PRKCE: variants seen among roughly 807,000 people sequenced by gnomAD.
PRKCE encodes protein kinase C epsilon type.
A neutral mutation model predicts 85.4 loss-of-function variants in PRKCE; 16 were observed. The observed-to-expected ratio is 0.19, with a 90% CI of 0.13 to 0.28. The LOEUF is 0.28. Ranked by LOEUF, PRKCE falls within the 10% of genes least tolerant of loss-of-function variation. The pLI is 1.00. For synonymous variants in PRKCE, 388 were observed against 371.5 expected (o/e 1.04, Z -0.51); for missense variants, 573 against 975.2 (o/e 0.59, Z 5.49).
chr2:45,779,527 C>T (rs898609960), intron 1 of PRKCE, among the ~76,000 whole-genome samples: 1 of 151,566 alleles, frequency 6.6e-6, no homozygotes, highest in Admixed American at 6.6e-5. Flanking sequence ...GCGACTACTT[C>T]CTTGCTCCAT....
rs937682084 is a variant in PRKCE, at chr2:46,105,926, A to G, written c.1592+19564A>G. Among the ~76,000 whole-genome samples the G allele has an allele frequency of 2.0e-5, 3 of 152,232 alleles. 1 individual carries two copies. Among genetic ancestry groups the G allele is most frequent in the Admixed American group, 2.0e-4 (3 of 15,274 alleles). On this transcript the variant is annotated intron_variant, in intron 11 of 14. Coordinates refer to ENST00000306156, the MANE Select transcript of PRKCE (RefSeq NM_005400.3). The stretch of plus-strand genomic sequence containing the variant: ...GGCACCAGGTATGGTTGGTGTTTGC[A>G]TAAGTTTTGATAAATTTTAACTTTT...
chr2:45,662,871 G>GCAAA (rs549837506), intron 1 of PRKCE, among the ~76,000 whole-genome samples: 2 of 149,506 alleles, frequency 1.3e-5, no homozygotes, highest in Non-Finnish European at 2.9e-5. Context: ...AAACAAGCAA[G>GCAAA]CAAGCAAGCA....
At chr2:45,964,709 C>G (rs752112252) in intron 2 of PRKCE, among the ~76,000 whole-genome samples, 1 of 152,230 alleles carries the variant, frequency 6.6e-6, no homozygotes, top group Non-Finnish European at 1.5e-5. Context: ...CTCGGTGCTT[C>G]TTTGTGTTCA....
chr2:46,125,505 G>A (rs1398927233), intron 11 of PRKCE, among the ~76,000 whole-genome samples: 3 of 152,178 alleles, frequency 2.0e-5, no homozygotes, highest in Non-Finnish European at 2.9e-5. Flanking sequence ...TTACATGCAG[G>A]CCTTAAGAAG....
At chr2:46,087,749 A>G (rs1277948840) in intron 11 of PRKCE, among the ~76,000 whole-genome samples, 1 of 152,202 alleles carries the variant, frequency 6.6e-6, no homozygotes, top group Admixed American at 6.5e-5. Flanking sequence ...TGGTCAGTGT[A>G]TCACGAAGCT....
At chr2:46,080,972 T>TACACACACACACACAC (rs112421012) in intron 10 of PRKCE, among the ~76,000 whole-genome samples, 434 of 147,686 alleles carry the variant, frequency 2.9e-3, no homozygotes, top group African/African-American at 1.0e-2. Context: ...CAGTTATGCA[T>TACACACACACACACAC]ACACACACAC....
chr2:45,994,511 C>G (rs917777003), intron 6 of PRKCE, among the ~76,000 whole-genome samples: 1 of 152,184 alleles, frequency 6.6e-6, no homozygotes, highest in Non-Finnish European at 1.5e-5. Context: ...TTTACCTTTT[C>G]CAGAATGTCC....
chr2:45,959,689 G>A (rs1432538168), intron 2 of PRKCE, among the ~76,000 whole-genome samples: 1 of 152,114 alleles, frequency 6.6e-6, no homozygotes, highest in African/African-American at 2.4e-5. Flanking sequence ...CAAACTTTTT[G>A]TTCCCAGAGG....
chr2:45,694,820 A>G (rs1051338081), intron 1 of PRKCE, among the ~76,000 whole-genome samples: 1 of 152,174 alleles, frequency 6.6e-6, no homozygotes, highest in Non-Finnish European at 1.5e-5. Context: ...GTGGATGGTA[A>G]TCAGGTAGGA....
chr2:45,746,502 A>T (rs773156082), intron 1 of PRKCE, among the ~76,000 whole-genome samples: 1 of 152,158 alleles, frequency 6.6e-6, no homozygotes, highest in Non-Finnish European at 1.5e-5. Flanking sequence ...GAGTGTATCC[A>T]TTCCCTATTC....
At chr2:45,732,400 T>A (rs534237169) in intron 1 of PRKCE, among the ~76,000 whole-genome samples, 39 of 152,314 alleles carry the variant, frequency 2.6e-4, no homozygotes, top group African/African-American at 8.7e-4. Flanking sequence ...TGTTTCAGAG[T>A]ACCTATCATA....
intron 1 of PRKCE, among the ~76,000 whole-genome samples, chr2:45,770,451 T>C (rs2104906459): frequency 6.6e-6 from 1 of 152,298 alleles, no homozygotes; most frequent in South Asian, 2.1e-4. Context: ...ACACTAGATA[T>C]ATGGCGTCCC....
chr2:45,769,175 A>G (rs909814114), intron 1 of PRKCE, among the ~76,000 whole-genome samples: 1 of 152,244 alleles, frequency 6.6e-6, no homozygotes, highest in African/African-American at 2.4e-5. Flanking sequence ...TGTGGGAGCC[A>G]GTGAGACCCA....
At chr2:45,760,074 G>A (rs901656156) in intron 1 of PRKCE, among the ~76,000 whole-genome samples, 10 of 152,198 alleles carry the variant, frequency 6.6e-5, no homozygotes, top group African/African-American at 2.2e-4. Context: ...TGGAATTACA[G>A]GAGGGAGCAA....
intron 12 of PRKCE, among the ~76,000 whole-genome samples, chr2:46,147,119 C>T (rs1676142906): frequency 6.6e-6 from 1 of 152,130 alleles, no homozygotes; most frequent in Non-Finnish European, 1.5e-5. Flanking sequence ...GGTAGTTTCC[C>T]TTTAGAACCT....
intron 1 of PRKCE, among the ~76,000 whole-genome samples, chr2:45,692,123 G>A (rs1458722943): frequency 1.3e-5 from 2 of 152,014 alleles, no homozygotes; most frequent in Admixed American, 6.5e-5. Flanking sequence ...GAGTTTTAAG[G>A]GCTCTATGGA....
At chr2:45,816,284 A>G (rs1450335778) in intron 1 of PRKCE, among the ~76,000 whole-genome samples, 1 of 152,118 alleles carries the variant, frequency 6.6e-6, no homozygotes, top group East Asian at 1.9e-4. Context: ...ATATAGAAGG[A>G]GAATTCATCC....
intron 2 of PRKCE, among the ~76,000 whole-genome samples, chr2:45,948,391 G>A (rs916733625): frequency 6.6e-6 from 1 of 152,218 alleles, no homozygotes. Flanking sequence ...TGTAATCCTA[G>A]TACTTGGGGA....
intron 14 of PRKCE, among the ~76,000 whole-genome samples, chr2:46,180,591 C>G (rs1327988228): frequency 1.3e-5 from 2 of 152,234 alleles, no homozygotes; most frequent in Non-Finnish European, 2.9e-5. Context: ...ATACCATGCA[C>G]TGTGTTGGGA....
Sources: gnomAD v4.1 joint callset for allele counts (sites outside exome capture counted in the v4.1 genomes callset) on GRCh38, gnomAD v4.1.1 for gene constraint, MANE v1.5 for transcripts, NCBI Gene and HGNC (gene_info 2026-07-23, HGNC 2026-07-21) for gene names.